The following SRGAP3 variants were observed in gnomAD, a reference collection of about 807,000 sequenced individuals.
SRGAP3 encodes the protein SLIT-ROBO Rho GTPase-activating protein 3.
A neutral mutation model predicts 121.1 loss-of-function variants in SRGAP3; 39 were observed. The observed-to-expected ratio is 0.32, with a 90% confidence interval of 0.25 to 0.42. The LOEUF (loss-of-function observed/expected upper bound fraction) is 0.42, where lower values mean the gene tolerates loss of function less well. SRGAP3 is among the 10% of genes least tolerant of loss of function. The pLI is 1.00. For missense variants in SRGAP3, 1,213 were observed against 1,470.6 expected (o/e 0.82, Z 2.86); for synonymous variants, 601 against 570.0 (o/e 1.05, Z -0.77).
chr3:9,179,211 C>T (rs535061830), intron 1 of SRGAP3, among the ~76,000 whole-genome samples: 1 of 152,184 alleles, frequency 6.6e-6, no homozygotes, highest in African/African-American at 2.4e-5. Flanking sequence ...CTTCCTACTG[C>T]CTTGTGTAAT....
At chr3:9,285,934 C>G (rs1470726050) in intron 3 of SRGAP3, among the ~76,000 whole-genome samples, 1 of 151,884 alleles carries the variant, frequency 6.6e-6, no homozygotes. Context: ...ACAGTGAGAT[C>G]TCTTCTCTAC....
intron 3 of SRGAP3, among the ~76,000 whole-genome samples, chr3:9,287,603 A>T (rs988634999): frequency 2.0e-5 from 3 of 152,202 alleles, no homozygotes; most frequent in Non-Finnish European, 4.4e-5. Flanking sequence ...GGAGCCTATA[A>T]AAGGCAGGAG....
At position 9,124,798 on chromosome 3, in the gene SRGAP3, A is replaced by G. The variant is rs1220347086; in HGVS notation, c.187T>C (p.Tyr63His). ...FRRKAEIELEYSRSLEKLAER... is the reference protein window; with the variant it reads ...FRRKAEIELEHSRSLEKLAER... ...GCCAGCTTCTCCAGGCTGCGGGAGT[A>G]CTCGAGCTCAATCTCAGCTTTCCGG... The change falls in exon 2 of 22, where the codon TAC becomes CAC. Residue 63 changes from tyrosine (Y) to histidine (H), a missense_variant. Coordinates refer to ENST00000383836, the MANE Select transcript of SRGAP3 (RefSeq NM_014850.4). The G allele has an allele frequency of 6.2e-7, 1 of 1,614,180 alleles. No homozygotes were observed. The highest frequency in any genetic ancestry group is 8.5e-7 in the Non-Finnish European group (1 of 1,180,036).
At chr3:9,064,858 TAATAATAAATA>T (rs1285063249) in intron 4 of SRGAP3, among the ~76,000 whole-genome samples, 1 of 94,550 alleles carries the variant, frequency 1.1e-5, no homozygotes, top group African/African-American at 4.3e-5. Context: ...AATTAAAAAA[TAATAATAAATA>T]AATAAATAAA....
chr3:9,214,160 G>T (rs570198173), intron 1 of SRGAP3, among the ~76,000 whole-genome samples: 2 of 135,404 alleles, frequency 1.5e-5, no homozygotes, highest in African/African-American at 5.0e-5. Flanking sequence ...ACACACACAA[G>T]AATATAAGCT....
intron 3 of SRGAP3, among the ~76,000 whole-genome samples, chr3:9,303,294 G>A (rs754104742): frequency 4.5e-4 from 68 of 152,072 alleles, no homozygotes; most frequent in Admixed American, 1.7e-3. Flanking sequence ...GCATGGTGGC[G>A]CATGCCTGTA....
chr3:9,113,511 A>G (rs756738668), intron 2 of SRGAP3, among the ~76,000 whole-genome samples: 2 of 152,130 alleles, frequency 1.3e-5, no homozygotes, highest in Non-Finnish European at 2.9e-5. Flanking sequence ...TTACTTCTAT[A>G]AAGACCCTGT....
At chr3:9,226,701 T>A (rs1263961199) in intron 1 of SRGAP3, among the ~76,000 whole-genome samples, 2 of 152,222 alleles carry the variant, frequency 1.3e-5, no homozygotes, top group East Asian at 3.8e-4. Flanking sequence ...GGCAAGACTT[T>A]ACACTTTTTC....
chr3:9,275,887 T>C (rs1373199759), intron 3 of SRGAP3, among the ~76,000 whole-genome samples: 1 of 151,706 alleles, frequency 6.6e-6, no homozygotes, highest in Non-Finnish European at 1.5e-5. Flanking sequence ...TAAGGGAGGG[T>C]AGAATCTACT....
Position 8,990,773 on chromosome 3 carries a change from C to T in SRGAP3, c.2625G>A (p.Pro875=), listed in dbSNP as rs775835244. The T allele has an allele frequency of 8.1e-6, 13 of 1,602,162 alleles. No homozygotes were observed. The highest frequency in any genetic ancestry group is 4.5e-5 in the East Asian group (2 of 44,626). ...CTATGCTGGGGCCCAGGCCCCGGGG[C>T]GGGCTGTGTGTGTCGCCCCCGCTTC... is the stretch of plus-strand genomic sequence containing the variant. ...RRRSGGDTHS[P]PRGLGPSIDT... is the part of the protein sequence containing the mutation. Residue 875 remains proline, a synonymous_variant, in exon 21 of 22, where the codon CCG becomes CCA. Coordinates refer to ENST00000383836, the MANE Select transcript of SRGAP3 (RefSeq NM_014850.4).
At position 9,010,399 on chromosome 3, in the gene SRGAP3, C is replaced by T. The variant is rs781111617; in HGVS notation, c.2148-12G>A. 3 of 1,613,996 alleles carry T rather than the reference C, an allele frequency of 1.9e-6. No individual in the cohort carries two copies. Among genetic ancestry groups the T allele is most frequent in the Non-Finnish European group, 2.5e-6 (3 of 1,180,020 alleles). ...TGTGTGGGCTGTCACTGCAAGGAAA[C>T]ACGGGAATGGGACTCACTGCGGGGG... is the stretch of plus-strand genomic sequence containing the variant. On this transcript the variant is annotated splice_polypyrimidine_tract_variant and intron_variant, in intron 17 of 21. Coordinates refer to ENST00000383836, the MANE Select transcript of SRGAP3 (RefSeq NM_014850.4).
intron 3 of SRGAP3, among the ~76,000 whole-genome samples, chr3:9,290,597 A>G (rs1384710875): frequency 6.6e-6 from 1 of 152,182 alleles, no homozygotes; most frequent in African/African-American, 2.4e-5. Flanking sequence ...GTGTTTCTCA[A>G]AGTGTGGTCC....
chr3:9,325,091 A>G (rs1034865335), intron 3 of SRGAP3, among the ~76,000 whole-genome samples: 9 of 151,748 alleles, frequency 5.9e-5, no homozygotes, highest in Admixed American at 2.0e-4. Flanking sequence ...CATAGGGTAC[A>G]ATGTCCTCAT....
At chr3:9,181,626 C>A (rs903712378) in intron 1 of SRGAP3, among the ~76,000 whole-genome samples, 11 of 152,188 alleles carry the variant, frequency 7.2e-5, no homozygotes, top group Admixed American at 1.3e-4. Flanking sequence ...TGTGCCTGGG[C>A]CCAAACATCT....
chr3:9,070,349 G>C (rs1946641992), intron 4 of SRGAP3, among the ~76,000 whole-genome samples: 1 of 86,346 alleles, frequency 1.2e-5, no homozygotes, highest in African/African-American at 3.1e-5. Context: ...ACTGCTTCCA[G>C]CATTTGTGTA....
At chr3:9,084,190 C>T (rs975631320) in intron 3 of SRGAP3, among the ~76,000 whole-genome samples, 1 of 152,148 alleles carries the variant, frequency 6.6e-6, no homozygotes, top group Non-Finnish European at 1.5e-5. Context: ...TGGCCTCCCC[C>T]ACCTCCCAAT....
rs796932484 is a variant in SRGAP3 at position 9,091,078 on chromosome 3, T to TCACA, written c.424-10995_424-10992dup. Among the ~76,000 whole-genome samples the TCACA allele has an allele frequency of 9.9e-4, 150 of 151,772 alleles. 1 individual carries two copies. Among genetic ancestry groups the TCACA allele is most frequent in the African/African-American group, 3.5e-3 (145 of 41,406 alleles). The stretch of plus-strand genomic sequence containing the variant: ...TGTTGAGTTTTAAGAACAAGACCTC[T>TCACA]CACACACACACACATACACACACAC... On this transcript the variant is annotated intron_variant, in intron 3 of 21. Coordinates refer to ENST00000383836, the MANE Select transcript of SRGAP3 (RefSeq NM_014850.4).
At chr3:9,301,690 T>A (rs1172730295) in intron 3 of SRGAP3, among the ~76,000 whole-genome samples, 1 of 152,066 alleles carries the variant, frequency 6.6e-6, no homozygotes, top group Non-Finnish European at 1.5e-5. Context: ...GAATATTGAG[T>A]AGTAGTAAAA....
intron 3 of SRGAP3, among the ~76,000 whole-genome samples, chr3:9,273,982 A>G (rs535691553): frequency 5.9e-5 from 9 of 152,246 alleles, no homozygotes; most frequent in African/African-American, 1.2e-4. Context: ...ATCATTTTTA[A>G]TATCCTTTTA....
Sources: allele counts gnomAD v4.1 joint callset (sites outside exome capture counted in the v4.1 genomes callset), GRCh38; gene constraint gnomAD v4.1.1; transcripts MANE v1.5; gene names NCBI Gene and HGNC (gene_info 2026-07-23, HGNC 2026-07-21).